The following CDH18 variants were observed in gnomAD, a reference collection of about 807,000 sequenced individuals.
The protein encoded by CDH18 is cadherin-18.
Under a neutral mutation model 67.9 loss-of-function variants are expected in CDH18, and 31 were observed. That is an observed-to-expected ratio of 0.46 (90% CI 0.34 to 0.62). The LOEUF (loss-of-function observed/expected upper bound fraction) is 0.62, where lower values mean the gene tolerates loss of function less well. CDH18 is among the 20% of genes least tolerant of loss of function. The pLI, the probability that CDH18 is intolerant of heterozygous loss-of-function variation, is 0.01. For missense variants in CDH18, 890 were observed against 975.5 expected (o/e 0.91, Z 1.17); for synonymous variants, 362 against 347.2 (o/e 1.04, Z -0.48).
intron 1 of CDH18, among the ~76,000 whole-genome samples, chr5:20,518,572 G>A (rs553235803): frequency 6.6e-6 from 1 of 152,224 alleles, no homozygotes; most frequent in East Asian, 1.9e-4. Context: ...CGTTTCAATG[G>A]ACTAAGCATT....
intron 2 of CDH18, among the ~76,000 whole-genome samples, chr5:20,001,900 C>T (rs185399027): frequency 6.6e-6 from 1 of 152,248 alleles, no homozygotes; most frequent in African/African-American, 2.4e-5. Context: ...ACTCTGCAGT[C>T]ACATTGAGCA....
At chr5:20,348,190 T>C (rs1740867948) in intron 1 of CDH18, among the ~76,000 whole-genome samples, 2 of 152,206 alleles carry the variant, frequency 1.3e-5, no homozygotes, top group African/African-American at 4.8e-5. Flanking sequence ...ATCCCACATC[T>C]AATCTTTCTC....
At chr5:20,244,821 G>A (rs1258739665) in intron 2 of CDH18, among the ~76,000 whole-genome samples, 1 of 151,920 alleles carries the variant, frequency 6.6e-6, no homozygotes, top group South Asian at 2.1e-4. Context: ...ATGCCAGTAA[G>A]ATAAATAAAG....
intron 1 of CDH18, among the ~76,000 whole-genome samples, chr5:20,419,255 G>T (rs1231868608): frequency 1.3e-5 from 2 of 151,968 alleles, no homozygotes; most frequent in South Asian, 4.1e-4. Flanking sequence ...GGCTGCCCAG[G>T]CCTCTGTAAG....
intron 1 of CDH18, among the ~76,000 whole-genome samples, chr5:20,441,641 C>T (rs2150191496): frequency 1.3e-5 from 2 of 152,024 alleles, no homozygotes; most frequent in South Asian, 4.1e-4. Context: ...ATTCTCTTAA[C>T]TTTAGTTAAT....
chr5:19,771,932 C>CAAAATG (rs1773780616), intron 3 of CDH18, among the ~76,000 whole-genome samples: 1 of 152,080 alleles, frequency 6.6e-6, no homozygotes, highest in Non-Finnish European at 1.5e-5. Flanking sequence ...CTTATTAATG[C>CAAAATG]AAAATGTACC....
chr5:19,590,659 C>A (rs989340707), intron 7 of CDH18, among the ~76,000 whole-genome samples: 1 of 152,004 alleles, frequency 6.6e-6, no homozygotes, highest in African/African-American at 2.4e-5. Flanking sequence ...ATATCTCAGC[C>A]CCCTTCGTCA....
intron 1 of CDH18, among the ~76,000 whole-genome samples, chr5:20,555,598 CCA>C (rs1301006422): frequency 1.3e-5 from 2 of 151,826 alleles, no homozygotes; most frequent in East Asian, 3.9e-4. Context: ...GCACATGCCA[CCA>C]CACACAGACA....
chr5:20,023,526 G>C (rs1361777059), intron 2 of CDH18, among the ~76,000 whole-genome samples: 1 of 151,926 alleles, frequency 6.6e-6, no homozygotes, highest in Non-Finnish European at 1.5e-5. Flanking sequence ...GGGCGTGGTG[G>C]CGGGCACCTG....
intron 1 of CDH18, among the ~76,000 whole-genome samples, chr5:20,458,616 T>C (rs1751004918): frequency 2.0e-5 from 3 of 152,126 alleles, no homozygotes; most frequent in Admixed American, 1.3e-4. Flanking sequence ...AGACTTTGTC[T>C]CAAAAAACAA....
chr5:20,113,040 C>T (rs1372793671), intron 2 of CDH18, among the ~76,000 whole-genome samples: 1 of 152,172 alleles, frequency 6.6e-6, no homozygotes, highest in East Asian at 1.9e-4. Context: ...TGTTTCTTCT[C>T]TGTTCTTGGA....
At chr5:19,803,966 A>C (rs1461044365) in intron 3 of CDH18, 1 of 152,046 alleles carries the variant, frequency 6.6e-6, no homozygotes, top group African/African-American at 2.4e-5. Flanking sequence ...CTAAAAATAC[A>C]AAAAATTAGC....
At chr5:19,809,263 CAGAT>C (rs1412485167) in intron 3 of CDH18, among the ~76,000 whole-genome samples, 1 of 152,098 alleles carries the variant, frequency 6.6e-6, no homozygotes, top group Non-Finnish European at 1.5e-5. Context: ...TCCCAACTGT[CAGAT>C]AGCCCAGTGC....
At chr5:19,684,199 C>A (rs1008436546) in intron 5 of CDH18, among the ~76,000 whole-genome samples, 6 of 151,928 alleles carry the variant, frequency 3.9e-5, no homozygotes, top group Non-Finnish European at 8.8e-5. Flanking sequence ...TTACTTTAAC[C>A]ATGGGAGAAT....
At chr5:19,888,062 T>C (rs999829690) in intron 2 of CDH18, among the ~76,000 whole-genome samples, 1 of 152,132 alleles carries the variant, frequency 6.6e-6, no homozygotes, top group East Asian at 1.9e-4. Flanking sequence ...TCTATTCCCT[T>C]ATTCTATTTG....
At chr5:20,419,769 G>C (rs928827980) in intron 1 of CDH18, among the ~76,000 whole-genome samples, 3 of 150,832 alleles carry the variant, frequency 2.0e-5, no homozygotes, top group Admixed American at 6.6e-5. Flanking sequence ...GAGCCGCCGC[G>C]CCTGTCCCTG....
intron 1 of CDH18, among the ~76,000 whole-genome samples, chr5:20,534,945 T>C (rs2126566593): frequency 6.6e-6 from 1 of 152,174 alleles, no homozygotes; most frequent in Admixed American, 6.6e-5. Context: ...ACTTTTGATA[T>C]TTTTTGTTCT....
At chr5:19,594,155 TTG>T (rs1745789993) in intron 6 of CDH18, among the ~76,000 whole-genome samples, 1 of 151,982 alleles carries the variant, frequency 6.6e-6, no homozygotes, top group Non-Finnish European at 1.5e-5. Flanking sequence ...TTTTGTTTGT[TTG>T]TTTTGTTTTG....
Position 20,460,434 on chromosome 5 carries a change from A to AATAG in CDH18, c.-580+115027_-580+115028insCTAT, listed in dbSNP as rs1452772847. Reference sequence around the variant, plus strand: ...AAATAAATAAATAAATAAATAAATAAATAAATAAAATATGTTGCGTGACTG... The same window carrying AATAG: ...AAATAAATAAATAAATAAATAAATAAATAGATAAATAAAATATGTTGCGTGACTG... On this transcript the variant is annotated intron_variant, in intron 1 of 14. Coordinates refer to the CDH18 transcript ENST00000507958. 3.5e-4 allele frequency among the ~76,000 whole-genome samples: 53 copies of AATAG among 151,440 alleles called. 2 individuals are homozygous for AATAG. The highest frequency in any genetic ancestry group is 3.3e-4 in the Admixed American group (5 of 15,178).
Sources: gnomAD v4.1 joint callset for allele counts (sites outside exome capture counted in the v4.1 genomes callset) on GRCh38, gnomAD v4.1.1 for gene constraint, MANE v1.5 for transcripts, NCBI Gene and HGNC (gene_info 2026-07-23, HGNC 2026-07-21) for gene names.